The following CDH13 variants were observed in gnomAD, a reference collection of about 807,000 sequenced individuals.
The protein encoded by CDH13 is cadherin 13.
CDH13 carries 24 observed loss-of-function variants against 63.8 expected under a neutral mutation model. The ratio of observed to expected loss-of-function variants is 0.38; its 90% CI spans 0.27 to 0.53. The LOEUF is 0.53. CDH13 is among the 20% of genes least tolerant of loss of function. The pLI, the probability that CDH13 is intolerant of heterozygous loss-of-function variation, is 0.85. For missense variants in CDH13, 1,049 were observed against 903.1 expected (o/e 1.16, Z -2.07); for synonymous variants, 503 against 355.3 (o/e 1.42, Z -4.67).
rs1048461978 is a variant in CDH13 at position 83,271,432 on chromosome 16, A to T, written c.636+53935A>T. Among the ~76,000 whole-genome samples the T allele has an allele frequency of 1.3e-4, 17 of 127,970 alleles. 1 individual carries two copies. The highest frequency in any genetic ancestry group is 1.2e-4 in the African/African-American group (4 of 33,246). 84.0% of individuals were successfully genotyped at this position (127,970 alleles called of 152,430 possible). On this transcript the variant is annotated intron_variant, in intron 5 of 13. Transcript: ENST00000567109. ...TTGAGGCAGAGTTCATAAAAAAAAAAAAAAAAAAAAAAAAAAAAAATTCAT... is the reference window on the plus strand; with the variant it reads ...TTGAGGCAGAGTTCATAAAAAAAAATAAAAAAAAAAAAAAAAAAAATTCAT...
chr16:82,917,558 A>G (rs958711062), intron 2 of CDH13, among the ~76,000 whole-genome samples: 2 of 152,212 alleles, frequency 1.3e-5, no homozygotes, highest in African/African-American at 4.8e-5. Context: ...GAATAAAATG[A>G]TACATTCAAA....
Position 83,605,958 on chromosome 16 carries a change from G to A in CDH13, c.1101+3364G>A, listed in dbSNP as rs376236250. Among the ~76,000 whole-genome samples, 66 of 152,296 alleles carry A rather than the reference G, an allele frequency of 4.3e-4. No individual in the cohort carries two copies. The South Asian group carries it at 6.2e-3, about 14-fold the overall frequency. ...TGAGATCAGGCCTCGGGACAAAAGC[G>A]AGAGAGACCAAGAGAAACCTGCTGG... On this transcript the variant is annotated intron_variant, in intron 8 of 13. Coordinates refer to ENST00000567109, the MANE Select transcript of CDH13 (RefSeq NM_001257.5).
At chr16:83,105,340 C>T (rs1359864573) in intron 3 of CDH13, among the ~76,000 whole-genome samples, 1 of 152,206 alleles carries the variant, frequency 6.6e-6, no homozygotes. Context: ...CAGTGACATC[C>T]ACCATCATCT....
At chr16:83,168,592 G>T (rs570853881) in intron 4 of CDH13, among the ~76,000 whole-genome samples, 31 of 151,330 alleles carry the variant, frequency 2.0e-4, no homozygotes, top group African/African-American at 7.3e-4. Context: ...GTTCAGTATT[G>T]TTAGTAAAAT....
chr16:82,794,505 G>A (rs2036484794), intron 1 of CDH13, among the ~76,000 whole-genome samples: 3 of 151,560 alleles, frequency 2.0e-5, no homozygotes, highest in African/African-American at 4.8e-5. Context: ...CAACGGCTAG[G>A]AATAGCTGAT....
chr16:83,215,877 G>A (rs966566875), intron 4 of CDH13, among the ~76,000 whole-genome samples: 2 of 152,112 alleles, frequency 1.3e-5, no homozygotes, highest in African/African-American at 2.4e-5. Flanking sequence ...AACGTTTGAA[G>A]GTTCTGATGA....
rs751731406 is a variant in CDH13 at position 82,869,100 on chromosome 16, G to T, written c.157+10627G>T. On this transcript the variant is annotated intron_variant, in intron 2 of 13. Transcript: ENST00000567109. ...CTCTCCCTGTTACCCAGGCTGGAGT[G>T]CAGTGGCGCAATCTCAACTCACTGC... Among the ~76,000 whole-genome samples the T allele has an allele frequency of 2.6e-5, 4 of 152,166 alleles. 1 individual carries two copies. The highest frequency in any genetic ancestry group is 5.9e-5 in the Non-Finnish European group (4 of 68,030).
At chr16:83,764,309 C>T (rs1250861142) in intron 11 of CDH13, among the ~76,000 whole-genome samples, 2 of 152,122 alleles carry the variant, frequency 1.3e-5, no homozygotes, top group African/African-American at 2.4e-5. Flanking sequence ...TGTCCTTGGA[C>T]GTTGGCATCA....
At chr16:83,030,599 C>T (rs1006288719) in intron 2 of CDH13, among the ~76,000 whole-genome samples, 13 of 146,040 alleles carry the variant, frequency 8.9e-5, no homozygotes, top group East Asian at 8.0e-4. Flanking sequence ...GCCAAGATCG[C>T]GCCACTGCAC....
intron 6 of CDH13, among the ~76,000 whole-genome samples, chr16:83,445,331 G>A (rs8044703): frequency 0.04 from 4,184 of 104,382 alleles, 192 homozygotes; most frequent in African/African-American, 0.11. Context: ...TCACCTACCC[G>A]AATCATTCTT....
intron 6 of CDH13, among the ~76,000 whole-genome samples, chr16:83,374,520 C>G (rs1417080971): frequency 6.6e-6 from 1 of 152,138 alleles, no homozygotes; most frequent in Admixed American, 6.6e-5. Context: ...AAAACATACC[C>G]CAAACTTGAG....
intron 7 of CDH13, among the ~76,000 whole-genome samples, chr16:83,513,539 A>G (rs900614126): frequency 1.3e-5 from 2 of 152,194 alleles, no homozygotes; most frequent in Non-Finnish European, 2.9e-5. Context: ...GGAAGGCCTC[A>G]GGAGACTTAC....
At chr16:83,058,171 G>A (rs542491244) in intron 3 of CDH13, among the ~76,000 whole-genome samples, 8 of 151,946 alleles carry the variant, frequency 5.3e-5, no homozygotes, top group African/African-American at 9.7e-5. Flanking sequence ...GTCTTTTATC[G>A]GGCTTGGGGT....
chr16:82,634,859 C>G (rs1432624325), intron 1 of CDH13, among the ~76,000 whole-genome samples: 1 of 152,132 alleles, frequency 6.6e-6, no homozygotes, highest in Non-Finnish European at 1.5e-5. Context: ...TCACCTGAGA[C>G]CAAATGGTTC....
At chr16:83,588,548 G>C (rs1906402915) in intron 7 of CDH13, among the ~76,000 whole-genome samples, 1 of 152,122 alleles carries the variant, frequency 6.6e-6, no homozygotes, top group African/African-American at 2.4e-5. Flanking sequence ...CAAGGCACTG[G>C]GGCTATGGCA....
intron 1 of CDH13, among the ~76,000 whole-genome samples, chr16:82,741,117 C>G (rs559860139): frequency 6.6e-6 from 1 of 152,182 alleles, no homozygotes; most frequent in Non-Finnish European, 1.5e-5. Flanking sequence ...TCCTTTCCTT[C>G]CACTTTCACA....
At chr16:82,997,137 G>C (rs1405167492) in intron 2 of CDH13, among the ~76,000 whole-genome samples, 2 of 107,154 alleles carry the variant, frequency 1.9e-5, no homozygotes, top group Non-Finnish European at 2.0e-5. Context: ...GGTGATGGTG[G>C]TGATGATGGT....
At chr16:83,418,852 GA>G (rs1227560935) in intron 6 of CDH13, among the ~76,000 whole-genome samples, 1 of 152,162 alleles carries the variant, frequency 6.6e-6, no homozygotes, top group Non-Finnish European at 1.5e-5. Flanking sequence ...TTCTCTCTGT[GA>G]AGGTTGTTTT....
intron 6 of CDH13, among the ~76,000 whole-genome samples, chr16:83,387,456 C>T (rs2091697378): frequency 6.6e-6 from 1 of 152,114 alleles, no homozygotes; most frequent in Non-Finnish European, 1.5e-5. Flanking sequence ...GGGTGTGTTT[C>T]ATCGATTTGG....
Sources: allele counts gnomAD v4.1 joint callset (sites outside exome capture counted in the v4.1 genomes callset), GRCh38; gene constraint gnomAD v4.1.1; transcripts MANE v1.5; gene names NCBI Gene and HGNC (gene_info 2026-07-23, HGNC 2026-07-21).